Variants in EXOC4 observed in about 807,000 individuals in gnomAD.
The protein encoded by EXOC4 is SEC8-like 1.
In EXOC4, 71 loss-of-function variants were observed where a neutral mutation model predicts 107.2. The ratio of observed to expected loss-of-function variants is 0.66; its 90% CI spans 0.55 to 0.81. EXOC4 has a LOEUF of 0.81. EXOC4 is among the 30% of genes least tolerant of loss of function. EXOC4 has a pLI of 0.00. For missense variants in EXOC4, 1,108 were observed against 1,189.6 expected, an observed-to-expected ratio of 0.93 and a Z score of 1.01; for synonymous variants, 456 against 441.2, an observed-to-expected ratio of 1.03 and a Z score of -0.42.
chr7:133,709,645 CTTTTT>C (rs147956984), intron 10 of EXOC4, among the ~76,000 whole-genome samples: 131 of 118,144 alleles, frequency 1.1e-3, no homozygotes, highest in East Asian at 1.7e-3. Flanking sequence ...AATCTGTTTT[CTTTTT>C]TTTTTTTTTT....
At chr7:133,319,101 G>C (rs1795053276) in intron 5 of EXOC4, among the ~76,000 whole-genome samples, 1 of 152,152 alleles carries the variant, frequency 6.6e-6, no homozygotes, top group African/African-American at 2.4e-5. Context: ...AATCATTACT[G>C]CTTAGCCTGG....
Position 134,011,346 on chromosome 7 carries a change from A to T in EXOC4, c.2687+3511A>T, listed in dbSNP as rs115550762. On this transcript the variant is annotated intron_variant, in intron 17 of 17. Coordinates refer to ENST00000253861, the MANE Select transcript of EXOC4 (RefSeq NM_021807.4). ...AGTGACGCCATTGTTCAAAAAGAAT[A>T]TCCCAGAGTTTTCTTCCCAGTTCTC... Among the ~76,000 whole-genome samples, 563 of 152,268 alleles carry T rather than the reference A, an allele frequency of 3.7e-3. 5 individuals are homozygous for T. The highest frequency in any genetic ancestry group is 0.013 in the African/African-American group (544 of 41,560).
chr7:133,593,286 A>T (rs536625424), intron 9 of EXOC4, among the ~76,000 whole-genome samples: 6 of 152,300 alleles, frequency 3.9e-5, no homozygotes, highest in African/African-American at 1.4e-4. Context: ...AAGATTGGAG[A>T]TGCTGCTTCC....
intron 7 of EXOC4, among the ~76,000 whole-genome samples, chr7:133,402,370 A>C (rs1797109945): frequency 6.6e-6 from 1 of 152,258 alleles, no homozygotes; most frequent in South Asian, 2.1e-4. Context: ...AGTTGTGGAC[A>C]AGTCTCCTAA....
intron 9 of EXOC4, among the ~76,000 whole-genome samples, chr7:133,516,479 C>G (rs1444813884): frequency 6.6e-6 from 1 of 152,082 alleles, no homozygotes; most frequent in Admixed American, 6.5e-5. Flanking sequence ...GCTTTTTTCA[C>G]TTAGGTCTTC....
At chr7:134,034,988 A>G (rs1795354013) in intron 17 of EXOC4, among the ~76,000 whole-genome samples, 1 of 151,896 alleles carries the variant, frequency 6.6e-6, no homozygotes, top group Non-Finnish European at 1.5e-5. Flanking sequence ...AGAGACAGAA[A>G]TATGGTTTGG....
chr7:133,338,414 A>C (rs1477893606), intron 5 of EXOC4, among the ~76,000 whole-genome samples: 1 of 149,458 alleles, frequency 6.7e-6, no homozygotes, highest in Non-Finnish European at 1.5e-5. Flanking sequence ...TAACAAGGTG[A>C]AACCCCGTCT....
chr7:133,637,296 CATAT>C (rs1802736064), intron 10 of EXOC4, among the ~76,000 whole-genome samples: 2 of 152,132 alleles, frequency 1.3e-5, no homozygotes, highest in African/African-American at 4.8e-5. Context: ...AGATCAAAGG[CATAT>C]ATAATTTGCT....
At chr7:133,571,995 A>G (rs1259493130) in intron 9 of EXOC4, among the ~76,000 whole-genome samples, 1 of 152,262 alleles carries the variant, frequency 6.6e-6, no homozygotes, top group African/African-American at 2.4e-5. Flanking sequence ...CTTTGAAACC[A>G]TAGCAGAAGG....
chr7:133,938,152 G>C, intron 14 of EXOC4, 83 bp downstream of exon 14: 1 of 1,400,826 alleles, frequency 7.1e-7, no homozygotes, highest in East Asian at 2.3e-5. Context: ...AGTGTACACT[G>C]GTCACCGTAT....
chr7:133,664,825 T>C (rs377631939), intron 10 of EXOC4, among the ~76,000 whole-genome samples: 1 of 152,096 alleles, frequency 6.6e-6, no homozygotes, highest in African/African-American at 2.4e-5. Flanking sequence ...TGGGGATTTT[T>C]CCCTGTTTTT....
At chr7:133,661,187 C>T (rs1803431674) in intron 10 of EXOC4, among the ~76,000 whole-genome samples, 1 of 151,984 alleles carries the variant, frequency 6.6e-6, no homozygotes, top group Non-Finnish European at 1.5e-5. Flanking sequence ...CTTCCATGGC[C>T]GCTGCTTGGC....
chr7:133,296,002 A>G (rs1794511843), intron 3 of EXOC4, among the ~76,000 whole-genome samples: 2 of 152,308 alleles, frequency 1.3e-5, no homozygotes, highest in South Asian at 4.1e-4. Context: ...TTTCCACAAC[A>G]TGATAAAAAT....
chr7:133,612,823 A>C (rs1358084929), intron 9 of EXOC4, among the ~76,000 whole-genome samples: 1 of 152,168 alleles, frequency 6.6e-6, no homozygotes, highest in Non-Finnish European at 1.5e-5. Context: ...AAAATACAAG[A>C]GTGAAGATGA....
intron 14 of EXOC4, among the ~76,000 whole-genome samples, chr7:133,956,290 G>A (rs955743608): frequency 1.3e-5 from 2 of 152,084 alleles, no homozygotes; most frequent in Admixed American, 1.3e-4. Context: ...AAAACTTAAA[G>A]TAAGTGTTAA....
At chr7:134,008,653 T>A (rs1325903868) in intron 17 of EXOC4, among the ~76,000 whole-genome samples, 1 of 152,118 alleles carries the variant, frequency 6.6e-6, no homozygotes, top group Non-Finnish European at 1.5e-5. Flanking sequence ...ATCTTAATTT[T>A]TTTTTAAGTG....
chr7:133,329,980 C>T (rs1795342734), intron 5 of EXOC4, among the ~76,000 whole-genome samples: 1 of 152,164 alleles, frequency 6.6e-6, no homozygotes, highest in Admixed American at 6.5e-5. Flanking sequence ...CTCTTCAGAG[C>T]CGTCAGGCAG....
chr7:133,402,748 C>T (rs181116695), intron 7 of EXOC4, among the ~76,000 whole-genome samples: 2 of 152,304 alleles, frequency 1.3e-5, no homozygotes, highest in African/African-American at 4.8e-5. Flanking sequence ...AAGCGATCCA[C>T]CTGCCTTGGT....
At chr7:133,455,645 G>A (rs1798446651) in intron 7 of EXOC4, among the ~76,000 whole-genome samples, 2 of 152,180 alleles carry the variant, frequency 1.3e-5, no homozygotes, top group Admixed American at 1.3e-4. Context: ...TCAAGTGGTA[G>A]GATGAACCAA....
Sources: allele counts gnomAD v4.1 joint callset (sites outside exome capture counted in the v4.1 genomes callset), GRCh38; gene constraint gnomAD v4.1.1; transcripts MANE v1.5; gene names NCBI Gene and HGNC (gene_info 2026-07-23, HGNC 2026-07-21).